Variants in PLAGL1 observed in about 807,000 individuals in gnomAD.
PLAGL1 encodes zinc finger protein PLAGL1.
In PLAGL1, 1 loss-of-function variant was observed where a neutral mutation model predicts 4.6. The observed-to-expected ratio is 0.22, with a 90% confidence interval of 0.08 to 1.03. The LOEUF is 1.03. Ranked by LOEUF, PLAGL1 falls within the 50% of genes least tolerant of loss-of-function variation. The pLI is 0.58. For missense variants in PLAGL1, 464 were observed against 570.4 expected, an observed-to-expected ratio of 0.81 and a Z score of 1.90; for synonymous variants, 240 against 237.8, an observed-to-expected ratio of 1.01 and a Z score of -0.08.
chr6:143,986,293 A>G (rs1256941330), intron 1 of PLAGL1, among the ~76,000 whole-genome samples: 1 of 152,112 alleles, frequency 6.6e-6, no homozygotes. Flanking sequence ...TTCAACAAGG[A>G]AAATGTCCAA....
In PLAGL1 at chr6:143,978,708, T is replaced by C. The variant is rs145683122; in HGVS notation, c.-544+6427A>G. On this transcript the variant is annotated intron_variant, in intron 2 of 7. Coordinates refer to ENST00000674357, the MANE Select transcript of PLAGL1 (RefSeq NM_001317162.2). This position sits in a 1 kb window ranked among gnomAD's most constrained non-coding sequence, Gnocchi z 4.6. ...TATGATTTAAATCCTTCAGAATTAA[T>C]TGACTTATTTTCCCACCCAGAATAT... Among the ~76,000 whole-genome samples the C allele has an allele frequency of 7.1e-4, 108 of 152,356 alleles. 2 individuals carry two copies. Among genetic ancestry groups the C allele is most frequent in the Admixed American group, 5.6e-3 (85 of 15,302 alleles).
rs926275887 is a variant in PLAGL1 at position 144,039,623 on chromosome 6, C to T, written c.-151+24845G>A. Among the ~76,000 whole-genome samples, 11 of 152,146 alleles carry T rather than the reference C, an allele frequency of 7.2e-5. No individual in the cohort carries two copies. The highest frequency in any genetic ancestry group is 3.9e-4 in the East Asian group (2 of 5,182). ...AAATAAAATATCACATGCCATTTTA[C>T]ACCCCAAAAATGAAAAGGTTGACAA... is the stretch of plus-strand genomic sequence containing the variant. On this transcript the variant is annotated intron_variant, in intron 1 of 3. Transcript: ENST00000437412. This position sits in a 1 kb window ranked among gnomAD's most constrained non-coding sequence, Gnocchi z 4.1.
chr6:144,042,715 T>G (rs1797834639), intron 1 of PLAGL1, among the ~76,000 whole-genome samples: 1 of 152,220 alleles, frequency 6.6e-6, no homozygotes, highest in Non-Finnish European at 1.5e-5. Context: ...GTGAAGAAAG[T>G]CATTGGTAGC....
At position 143,979,751 on chromosome 6, in the gene PLAGL1, G is replaced by A. The variant is rs2128603344; in HGVS notation, c.-544+5384C>T. Among the ~76,000 whole-genome samples, 1 of 151,882 alleles carries A rather than the reference G, an allele frequency of 6.6e-6. No individual in the cohort carries two copies. ...TATGTATTTATTTACCTAGGTGGTT[G>A]CCATTTCTGGTGCTCTTTACTGCTA... On this transcript the variant is annotated intron_variant, in intron 2 of 7. Transcript: ENST00000674357. The surrounding 1 kb of genome is among the most constrained non-coding windows in gnomAD (Gnocchi z 4.6).
rs1207225100 is a variant in PLAGL1 at position 144,061,384 on chromosome 6, C to T, written c.-151+3084G>A. On this transcript the variant is annotated intron_variant, in intron 1 of 3. Coordinates refer to the PLAGL1 transcript ENST00000437412. The surrounding 1 kb of genome is among the most constrained non-coding windows in gnomAD (Gnocchi z 4.4). ...CCTACCAAGTTCCACCAGGATCAAA[C>T]AAAGTGAGGTAAGAACAAGAGAGCA... Among the ~76,000 whole-genome samples the T allele has an allele frequency of 2.6e-5, 4 of 152,320 alleles. No individual in the cohort carries two copies. In the East Asian group the frequency reaches 5.8e-4, roughly 22 times the overall value.
Position 144,039,396 on chromosome 6 carries a change from C to G in PLAGL1, c.-151+25072G>C, listed in dbSNP as rs963004920. On this transcript the variant is annotated intron_variant, in intron 1 of 3. Coordinates refer to the PLAGL1 transcript ENST00000437412. This position sits in a 1 kb window ranked among gnomAD's most constrained non-coding sequence, Gnocchi z 4.1. ...GGCCCAAAGTTTGAAACCAGTCTGG[C>G]CAACATGGCAAAACCCCATCTCTAC... is the stretch of plus-strand genomic sequence containing the variant. Among the ~76,000 whole-genome samples the G allele has an allele frequency of 2.0e-5, 3 of 152,062 alleles. No individual in the cohort carries two copies. Among genetic ancestry groups the G allele is most frequent in the African/African-American group, 7.2e-5 (3 of 41,380 alleles).
intron 1 of PLAGL1, among the ~76,000 whole-genome samples, chr6:144,020,557 A>AT (rs1211545314): frequency 6.6e-6 from 1 of 151,944 alleles, no homozygotes; most frequent in African/African-American, 2.4e-5. Context: ...AAGTGCTGGG[A>AT]TTACAGGCAT....
At chr6:144,003,589 A>G (rs1793440058) in intron 1 of PLAGL1, among the ~76,000 whole-genome samples, 1 of 147,028 alleles carries the variant, frequency 6.8e-6, no homozygotes, top group Admixed American at 7.1e-5. Context: ...GTGCCACTGC[A>G]CTCCAGCCTG....
rs1321567642 is a variant in PLAGL1 at position 143,948,943 on chromosome 6, G to A, written c.-324-483C>T. On this transcript the variant is annotated intron_variant, in intron 6 of 7. Coordinates refer to ENST00000674357, the MANE Select transcript of PLAGL1 (RefSeq NM_001317162.2). The surrounding 1 kb of genome is among the most constrained non-coding windows in gnomAD (Gnocchi z 6.0). ...ATCACACCTGTTTAAACTTCCAGAG[G>A]ATAAGAAATAATTTGTATACACCTA... 2.0e-5 allele frequency among the ~76,000 whole-genome samples: 3 copies of A among 152,166 alleles called. No individual in the cohort carries two copies.
rs71552912 is a variant in PLAGL1, at chr6:143,949,492, AC to A, written c.-324-1033del. Among the ~76,000 whole-genome samples, 4 of 151,536 alleles carry A rather than the reference AC, an allele frequency of 2.6e-5. No homozygotes were observed. The highest frequency in any genetic ancestry group is 9.7e-5 in the African/African-American group (4 of 41,162). ...AGCTTCACTCTCAGGACCTGGACCAACCCCCCACATTTCATCCCTGGACTCT... is the reference window on the plus strand; with the variant it reads ...AGCTTCACTCTCAGGACCTGGACCAACCCCCACATTTCATCCCTGGACTCT... On this transcript the variant is annotated intron_variant, in intron 6 of 7. Transcript: ENST00000674357. This position sits in a 1 kb window ranked among gnomAD's most constrained non-coding sequence, Gnocchi z 5.3.
At chr6:144,014,577 TTTTG>T (rs201267958) in intron 1 of PLAGL1, among the ~76,000 whole-genome samples, 202 of 151,604 alleles carry the variant, frequency 1.3e-3, no homozygotes, top group African/African-American at 4.4e-3. Context: ...ATCTATTGGG[TTTTG>T]TTTGTTTGTT....
In PLAGL1 at chr6:144,027,344, T is replaced by C. The variant is rs1191424877; in HGVS notation, c.-151+37124A>G. Among the ~76,000 whole-genome samples, 1 of 152,154 alleles carries C rather than the reference T, an allele frequency of 6.6e-6. No homozygotes were observed. The highest frequency in any genetic ancestry group is 1.5e-5 in the Non-Finnish European group (1 of 68,028). ...CTTTAAGAAGTGAAATCTGTAAGTATTCAGAATAAGAAGCAAAACTGCAGG... is the reference window on the plus strand; with the variant it reads ...CTTTAAGAAGTGAAATCTGTAAGTACTCAGAATAAGAAGCAAAACTGCAGG... On this transcript the variant is annotated intron_variant, in intron 1 of 3. Coordinates refer to the PLAGL1 transcript ENST00000437412. The surrounding 1 kb of genome is among the most constrained non-coding windows in gnomAD (Gnocchi z 5.8).
At chr6:143,996,125 A>G (rs1421203962) in intron 1 of PLAGL1, among the ~76,000 whole-genome samples, 4 of 152,176 alleles carry the variant, frequency 2.6e-5, no homozygotes, top group Non-Finnish European at 5.9e-5. Context: ...TATGATCACA[A>G]TGGTGTCACA....
Position 143,978,286 on chromosome 6 carries a change from C to CT in PLAGL1, c.-544+6848dup, listed in dbSNP as rs1248001878. ...AAACTGAGGTTATTGATTTTAGGTTCTTTTTCTTTTCTAATACATCATTTA... is the reference window on the plus strand; with the variant it reads ...AAACTGAGGTTATTGATTTTAGGTTCTTTTTTCTTTTCTAATACATCATTTA... On this transcript the variant is annotated intron_variant, in intron 2 of 7. Transcript: ENST00000674357. The surrounding 1 kb of genome is among the most constrained non-coding windows in gnomAD (Gnocchi z 4.6). Among the ~76,000 whole-genome samples, 3 of 152,050 alleles carry CT rather than the reference C, an allele frequency of 2.0e-5. No individual in the cohort carries two copies. Among genetic ancestry groups the CT allele is most frequent in the Non-Finnish European group, 4.4e-5 (3 of 67,998 alleles).
At chr6:143,999,121 A>G (rs1439083820) in intron 1 of PLAGL1, among the ~76,000 whole-genome samples, 2 of 152,202 alleles carry the variant, frequency 1.3e-5, no homozygotes, top group African/African-American at 4.8e-5. Flanking sequence ...AGGGGAGTGA[A>G]AGAAGCAGGA....
Position 144,027,238 on chromosome 6 carries a change from A to AGAAAGAAAGAAAGAAAGAAAGAAAGAAG in PLAGL1, c.-151+37229_-151+37230insCTTCTTTCTTTCTTTCTTTCTTTCTTTC, listed in dbSNP as rs1796415279. On this transcript the variant is annotated intron_variant, in intron 1 of 3. Coordinates refer to the PLAGL1 transcript ENST00000437412. This position sits in a 1 kb window ranked among gnomAD's most constrained non-coding sequence, Gnocchi z 5.8. ...GACCCCAACTCAAAGAACGAACGAA[A>AGAAAGAAAGAAAGAAAGAAAGAAAGAAG]GAAAGAAAGAAAGAAAGAAAGAAAG... is the stretch of plus-strand genomic sequence containing the variant. 1.5e-5 allele frequency among the ~76,000 whole-genome samples: 1 copy of AGAAAGAAAGAAAGAAAGAAAGAAAGAAG among 65,378 alleles called. No homozygotes were observed. Among genetic ancestry groups the AGAAAGAAAGAAAGAAAGAAAGAAAGAAG allele is most frequent in the South Asian group, 6.2e-4 (1 of 1,620 alleles). The allele number at this position is 65,378 out of a possible 152,430, so 42.9% of individuals were successfully genotyped here.
At chr6:144,042,743 G>C (rs1403495081) in intron 1 of PLAGL1, among the ~76,000 whole-genome samples, 1 of 152,120 alleles carries the variant, frequency 6.6e-6, no homozygotes, top group Non-Finnish European at 1.5e-5. Context: ...GGATGGCATT[G>C]AATCTATAAA....
At chr6:143,944,661 T>G (rs986363987) in intron 7 of PLAGL1, among the ~76,000 whole-genome samples, 3 of 152,078 alleles carry the variant, frequency 2.0e-5, no homozygotes, top group Non-Finnish European at 4.4e-5. Context: ...GAGAAAGGGT[T>G]TTTAGAGCAT....
At chr6:144,044,109 C>T (rs371088654) in intron 1 of PLAGL1, among the ~76,000 whole-genome samples, 3 of 151,840 alleles carry the variant, frequency 2.0e-5, no homozygotes, top group East Asian at 1.9e-4. Context: ...TCAATTTTGT[C>T]GATCTTTTCA....
Sources: gnomAD v4.1 joint callset for allele counts (sites outside exome capture counted in the v4.1 genomes callset) on GRCh38, gnomAD v4.1.1 for gene constraint, Gnocchi (gnomAD v3.1) non-coding constraint, MANE v1.5 for transcripts, NCBI Gene and HGNC (gene_info 2026-07-23, HGNC 2026-07-21) for gene names.